ZNF704: variants seen among roughly 807,000 people sequenced by gnomAD.
The protein encoded by ZNF704 is glucocorticoid induced gene 1.
Under a neutral mutation model 44.7 loss-of-function variants are expected in ZNF704, and 10 were observed. The observed-to-expected ratio is 0.22, with a 90% CI of 0.14 to 0.38. ZNF704 has a LOEUF of 0.38. Ranked by LOEUF, ZNF704 falls within the 10% of genes least tolerant of loss-of-function variation. The probability of loss-of-function intolerance (pLI) is 1.00; values close to 1 mark genes in which losing one functional copy is unlikely to be tolerated. For missense variants in ZNF704, 390 were observed against 545.5 expected (o/e 0.71, Z 2.84); for synonymous variants, 211 against 207.6 (o/e 1.02, Z -0.14).
intron 2 of ZNF704, among the ~76,000 whole-genome samples, chr8:80,717,780 C>CATGAA (rs1819094967): frequency 1.3e-5 from 2 of 152,170 alleles, no homozygotes; most frequent in Non-Finnish European, 2.9e-5. Flanking sequence ...ATGTAGCTCT[C>CATGAA]ATCATGACAC....
intron 7 of ZNF704, among the ~76,000 whole-genome samples, chr8:80,645,484 C>T (rs144348929): frequency 3.0e-4 from 45 of 152,266 alleles, no homozygotes; most frequent in African/African-American, 8.9e-4. Context: ...AAAGTAATCC[C>T]CAATGCTGGA....
At chr8:80,741,064 T>C (rs1422308267) in intron 2 of ZNF704, among the ~76,000 whole-genome samples, 1 of 152,246 alleles carries the variant, frequency 6.6e-6, no homozygotes, top group Non-Finnish European at 1.5e-5. Context: ...CAGTGAGGAA[T>C]GTATCCAGCA....
chr8:80,857,184 C>T (rs944960463), intron 1 of ZNF704, among the ~76,000 whole-genome samples: 3 of 151,996 alleles, frequency 2.0e-5, no homozygotes, highest in Admixed American at 6.6e-5. Context: ...ATAGAAACAG[C>T]GATATTTTCT....
chr8:80,753,962 C>A (rs1052297947), intron 2 of ZNF704, among the ~76,000 whole-genome samples: 1 of 152,130 alleles, frequency 6.6e-6, no homozygotes, highest in Non-Finnish European at 1.5e-5. Flanking sequence ...TCTTCACTTC[C>A]AGGCGAAGTG....
At chr8:80,760,476 T>TG (rs1300203004) in intron 2 of ZNF704, among the ~76,000 whole-genome samples, 1 of 151,716 alleles carries the variant, frequency 6.6e-6, no homozygotes, top group Non-Finnish European at 1.5e-5. Context: ...GCCAACATGG[T>TG]GAAACCCTGT....
chr8:80,876,552 G>T (rs1461022133), upstream of ZNF704, among the ~76,000 whole-genome samples: 1 of 152,200 alleles, frequency 6.6e-6, no homozygotes, highest in Non-Finnish European at 1.5e-5. Flanking sequence ...AAGCTGGCTA[G>T]TAGTTAGGCA....
intron 4 of ZNF704, among the ~76,000 whole-genome samples, chr8:80,685,292 G>C (rs114295771): frequency 0.014 from 2,176 of 152,156 alleles, 71 homozygotes; most frequent in African/African-American, 0.05. Flanking sequence ...TGTGAATTTT[G>C]GCTCAGTGGC....
intron 7 of ZNF704, chr8:80,644,892 C>T (rs750497892): frequency 1.1e-5 from 9 of 824,428 alleles, no homozygotes; most frequent in Admixed American, 9.4e-5. Context: ...GAAGTAAGGA[C>T]AGCTGTGTAA....
chr8:80,742,231 T>C (rs1479246465), intron 2 of ZNF704, among the ~76,000 whole-genome samples: 3 of 152,290 alleles, frequency 2.0e-5, no homozygotes, highest in African/African-American at 7.2e-5. Flanking sequence ...TTAGAAATGC[T>C]TATAGAAGGA....
At chr8:80,758,369 C>A (rs1296666848) in intron 2 of ZNF704, among the ~76,000 whole-genome samples, 1 of 152,134 alleles carries the variant, frequency 6.6e-6, no homozygotes, top group East Asian at 1.9e-4. Context: ...CACAAAAAGG[C>A]CTTTGTCAAG....
At chr8:80,676,498 C>T (rs919396624) in intron 4 of ZNF704, among the ~76,000 whole-genome samples, 7 of 152,088 alleles carry the variant, frequency 4.6e-5, no homozygotes, top group African/African-American at 7.2e-5. Flanking sequence ...ATGGTGGCTG[C>T]AGATGCAGTT....
intron 2 of ZNF704, among the ~76,000 whole-genome samples, chr8:80,814,644 G>A (rs1407103729): frequency 3.3e-5 from 5 of 152,136 alleles, no homozygotes; most frequent in South Asian, 2.1e-4. Flanking sequence ...ACATGAGTGA[G>A]TACATTTATA....
At chr8:80,734,957 T>C (rs1806642766) in intron 2 of ZNF704, among the ~76,000 whole-genome samples, 1 of 152,200 alleles carries the variant, frequency 6.6e-6, no homozygotes, top group South Asian at 2.1e-4. Context: ...TTTTATTCTT[T>C]TCAAACCATC....
At chr8:80,826,225 AT>A (rs1312246504) in intron 1 of ZNF704, among the ~76,000 whole-genome samples, 1 of 152,204 alleles carries the variant, frequency 6.6e-6, no homozygotes, top group African/African-American at 2.4e-5. Flanking sequence ...AATAGACACA[AT>A]AAAAAATCAT....
Position 80,825,441 on chromosome 8 carries a change from T to C in ZNF704, c.-21-3826A>G, listed in dbSNP as rs370274528. Among the ~76,000 whole-genome samples, 7 of 152,054 alleles carry C rather than the reference T, an allele frequency of 4.6e-5. 1 individual carries two copies. Among genetic ancestry groups the C allele is most frequent in the African/African-American group, 1.2e-4 (5 of 41,536 alleles). On this transcript the variant is annotated intron_variant, in intron 1 of 8. Transcript: ENST00000327835. ...ATTCATAAAGCAAGTCCTTAGAGAC[T>C]TACAAAGAGACTTAGACTCCCACAC...
intron 7 of ZNF704, chr8:80,644,939 CTT>C: frequency 9.2e-7 from 1 of 1,085,220 alleles, no homozygotes; most frequent in Non-Finnish European, 1.4e-6. Flanking sequence ...AGCTTCATTT[CTT>C]TGTTTTCTCG....
chr8:80,702,077 T>G (rs1818818975), intron 2 of ZNF704, among the ~76,000 whole-genome samples: 1 of 152,106 alleles, frequency 6.6e-6, no homozygotes, highest in African/African-American at 2.4e-5. Flanking sequence ...GGATGAGGAA[T>G]GGACAAGGTC....
Position 80,645,115 on chromosome 8 carries a change from G to A in ZNF704, c.1033-1986C>T, listed in dbSNP as rs907032999. 20 of 1,602,202 alleles carry A rather than the reference G, an allele frequency of 1.2e-5. No homozygotes were observed. The Admixed American group carries it at 1.3e-4, about 11-fold the overall frequency. ...ATGTCCTTGGGCAGCATGACATGTC[G>A]ATACTCAAACTCCTCGTCGTCGTAT... On this transcript the variant is annotated intron_variant, in intron 7 of 8. Coordinates refer to ENST00000327835, the MANE Select transcript of ZNF704 (RefSeq NM_001033723.3).
rs962461324 is a variant in ZNF704 at position 80,686,564 on chromosome 8, A to AT, written c.558+661dup. Among the ~76,000 whole-genome samples the AT allele has an allele frequency of 9.3e-5, 14 of 150,612 alleles. No individual in the cohort carries two copies. The East Asian group carries it at 1.6e-3, about 17-fold the overall frequency. On this transcript the variant is annotated intron_variant, in intron 4 of 8. Transcript: ENST00000327835. ...ACTGAGCTAATTTTTTTTTTATTTA[A>AT]TTTTTTTTTGTAGAGACAGGGTCTT...
Sources: allele counts gnomAD v4.1 joint callset (sites outside exome capture counted in the v4.1 genomes callset), GRCh38; gene constraint gnomAD v4.1.1; transcripts MANE v1.5; gene names NCBI Gene and HGNC (gene_info 2026-07-23, HGNC 2026-07-21).